Variants in IGF1R observed in about 807,000 individuals in gnomAD.
IGF1R encodes the protein insulin like growth factor 1 receptor.
A neutral mutation model predicts 144.6 loss-of-function variants in IGF1R; 44 were observed. The ratio of observed to expected loss-of-function variants is 0.30; its 90% CI spans 0.24 to 0.39. The LOEUF is 0.39. Ranked by LOEUF, IGF1R falls within the 10% of genes least tolerant of loss-of-function variation. The pLI is 1.00. For synonymous variants in IGF1R, 795 were observed against 722.8 expected (o/e 1.10, Z -1.60); for missense variants, 1,355 against 1,833.7 (o/e 0.74, Z 4.77).
chr15:98,912,813 A>G (rs1386830827), intron 7 of IGF1R, among the ~76,000 whole-genome samples: 1 of 152,364 alleles, frequency 6.6e-6, no homozygotes, highest in East Asian at 1.9e-4. Context: ...ATTGAATCCC[A>G]GTAACTGTTG....
In IGF1R at chr15:98,934,880, C is replaced by A; in HGVS notation, c.3013C>A (p.Leu1005Ile). ...GGAGAAGATCACCATGAGCCGGGAA[C>A]TTGGGCAGGGGTCGTTTGGGATGGT... ...AREKITMSRE[L>I]GQGSFGMVYE... Residue 1005 changes from leucine (L) to isoleucine (I), a missense_variant, in exon 16 of 21, where the codon CTT becomes ATT. By Grantham distance (5) the Leu-to-Ile change is conservative. Around this residue, in one of 7 missense-constraint regions of IGF1R, gnomAD observed 880 missense variants for 1,202.7 expected, o/e 0.73. Transcript: ENST00000650285. The A allele has an allele frequency of 6.2e-7, 1 of 1,614,164 alleles. No homozygotes were observed. The highest frequency in any genetic ancestry group is 8.5e-7 in the Non-Finnish European group (1 of 1,180,042).
chr15:98,671,926 A>C (rs1567067797), intron 1 of IGF1R, among the ~76,000 whole-genome samples: 1 of 152,342 alleles, frequency 6.6e-6, no homozygotes, highest in South Asian at 2.1e-4. Flanking sequence ...TGGACAGGCA[A>C]GTATGAAGGC....
At chr15:98,651,072 G>A (rs1344595822) in intron 1 of IGF1R, 1 of 985,228 alleles carries the variant, frequency 1.0e-6, no homozygotes, top group Non-Finnish European at 1.2e-6. Flanking sequence ...GGAACGGTGA[G>A]GGCGTGTTGG....
At chr15:98,761,875 G>C (rs2055305581) in intron 2 of IGF1R, among the ~76,000 whole-genome samples, 1 of 152,204 alleles carries the variant, frequency 6.6e-6, no homozygotes, top group African/African-American at 2.4e-5. Flanking sequence ...AACCCTTCTA[G>C]GTATGGAGGG....
At chr15:98,842,853 C>T (rs2141535078) in intron 2 of IGF1R, among the ~76,000 whole-genome samples, 1 of 152,336 alleles carries the variant, frequency 6.6e-6, no homozygotes, top group East Asian at 1.9e-4. Flanking sequence ...TCTAGCCATG[C>T]AGTGACTCGT....
chr15:98,855,529 G>T (rs1000711001), intron 2 of IGF1R, among the ~76,000 whole-genome samples: 3 of 152,174 alleles, frequency 2.0e-5, no homozygotes, highest in African/African-American at 7.2e-5. Flanking sequence ...AATCACTAGG[G>T]ACTTGATTAA....
Position 98,648,630 on chromosome 15 carries a change from C to T in IGF1R, c.-952C>T, listed in dbSNP as rs1392680318. On this transcript the variant is annotated 5_prime_UTR_variant, in exon 1 of 21. Coordinates refer to ENST00000650285, the MANE Select transcript of IGF1R (RefSeq NM_000875.5). Reference sequence around the variant, plus strand: ...TGAGCGGAAAAAAAAAGGGAAAAAACCCGAGGAGGAGCGAGCGCACCAGGC... The same window carrying T: ...TGAGCGGAAAAAAAAAGGGAAAAAATCCGAGGAGGAGCGAGCGCACCAGGC... Among the ~76,000 whole-genome samples, 10 of 146,580 alleles carry T rather than the reference C, an allele frequency of 6.8e-5. No individual in the cohort carries two copies. In the East Asian group the frequency reaches 1.8e-3, roughly 27 times the overall value.
intron 1 of IGF1R, among the ~76,000 whole-genome samples, chr15:98,703,158 T>G (rs1447295196): frequency 6.6e-6 from 1 of 152,112 alleles, no homozygotes; most frequent in Non-Finnish European, 1.5e-5. Flanking sequence ...GCTTGTCTTA[T>G]TCTTTACAGG....
intron 1 of IGF1R, among the ~76,000 whole-genome samples, chr15:98,692,019 T>C (rs1258378255): frequency 6.6e-6 from 1 of 152,148 alleles, no homozygotes. Flanking sequence ...TTTTTGTGTG[T>C]GAATCTGTTA....
Position 98,961,127 on chromosome 15 carries a change from C to G in IGF1R, c.*3685C>G, listed in dbSNP as rs914212755. On this transcript the variant is annotated 3_prime_UTR_variant, in exon 21 of 21. Coordinates refer to ENST00000650285, the MANE Select transcript of IGF1R (RefSeq NM_000875.5). ...GAACGCGACCCATCTCTCCCAGGAC[C>G]CCGGGGATCTTAAGGTCATTGAGAA... The G allele has an allele frequency of 1.3e-5, 3 of 233,472 alleles. No individual in the cohort carries two copies. The highest frequency in any genetic ancestry group is 2.2e-5 in the African/African-American group (1 of 45,316). The allele number at this position is 233,472 out of a possible 1,614,324, so 14.5% of individuals were successfully genotyped here. A position where few individuals can be genotyped will look rare whatever the true frequency, so the allele number is the denominator to read the frequency against.
intron 10 of IGF1R, among the ~76,000 whole-genome samples, chr15:98,919,377 G>A (rs370795514): frequency 1.6e-4 from 25 of 152,200 alleles, no homozygotes; most frequent in Non-Finnish European, 2.5e-4. Flanking sequence ...CCTTGGTTAC[G>A]TTGCTGTCTT....
chr15:98,698,211 G>A (rs2053641986), intron 1 of IGF1R, among the ~76,000 whole-genome samples: 2 of 149,728 alleles, frequency 1.3e-5, no homozygotes, highest in African/African-American at 4.9e-5. Context: ...GCTAATTTTT[G>A]TATTTTTAGT....
intron 2 of IGF1R, among the ~76,000 whole-genome samples, chr15:98,783,811 G>A (rs997627679): frequency 1.3e-5 from 2 of 152,136 alleles, no homozygotes; most frequent in African/African-American, 4.8e-5. Context: ...GAATACCGAT[G>A]CTGTTGCTAG....
At chr15:98,800,102 G>A (rs2056330406) in intron 2 of IGF1R, among the ~76,000 whole-genome samples, 1 of 152,100 alleles carries the variant, frequency 6.6e-6, no homozygotes, top group Non-Finnish European at 1.5e-5. Flanking sequence ...GTTTCTCATG[G>A]TGATTTCTGA....
intron 2 of IGF1R, among the ~76,000 whole-genome samples, chr15:98,833,866 C>T (rs1488360083): frequency 6.6e-6 from 1 of 151,940 alleles, no homozygotes; most frequent in Non-Finnish European, 1.5e-5. Flanking sequence ...CTAGAGGCAG[C>T]CAAAAAAATA....
chr15:98,897,073 A>C (rs2014237077), intron 4 of IGF1R, among the ~76,000 whole-genome samples, 168 bp downstream of exon 4: 1 of 152,214 alleles, frequency 6.6e-6, no homozygotes, highest in African/African-American at 2.4e-5. Flanking sequence ...CTGAAAGATA[A>C]AGAACAGATT....
At position 98,792,845 on chromosome 15, in the gene IGF1R, G is replaced by A. The variant is rs182140136; in HGVS notation, c.640+84738G>A. Among the ~76,000 whole-genome samples, 28 of 152,316 alleles carry A rather than the reference G, an allele frequency of 1.8e-4. 2 individuals are homozygous for A. Among genetic ancestry groups the A allele is most frequent in the Admixed American group, 1.6e-3 (25 of 15,302 alleles). On this transcript the variant is annotated intron_variant, in intron 2 of 20. Coordinates refer to ENST00000650285, the MANE Select transcript of IGF1R (RefSeq NM_000875.5). Reference sequence around the variant, plus strand: ...TTCAATAAGAGTTGATATTTTGCCAGGGGTTGCCTCCCATGAGATTCCAAA... The same window carrying A: ...TTCAATAAGAGTTGATATTTTGCCAAGGGTTGCCTCCCATGAGATTCCAAA...
chr15:98,841,167 A>G (rs2011167934), intron 2 of IGF1R, among the ~76,000 whole-genome samples: 1 of 152,322 alleles, frequency 6.6e-6, no homozygotes, highest in African/African-American at 2.4e-5. Context: ...AAGAAAAAAG[A>G]AAAGTATGTC....
intron 8 of IGF1R, among the ~76,000 whole-genome samples, chr15:98,914,967 C>T (rs1238811881): frequency 1.5e-4 from 23 of 152,206 alleles, no homozygotes; most frequent in Non-Finnish European, 1.5e-5. Flanking sequence ...TCCAAAGTAT[C>T]ATCCCTTAAA....
Sources: gnomAD v4.1 joint callset for allele counts (sites outside exome capture counted in the v4.1 genomes callset) on GRCh38, gnomAD v4.1.1 for gene constraint, gnomAD v4.1.1 regional missense constraint, MANE v1.5 for transcripts, NCBI Gene and HGNC (gene_info 2026-07-23, HGNC 2026-07-21) for gene names.